Variants in EPHA4 observed in about 807,000 individuals in gnomAD.
EPHA4 encodes ephrin type-A receptor 4.
Under a neutral mutation model 108.3 loss-of-function variants are expected in EPHA4, and 19 were observed. The observed-to-expected ratio is 0.18, with a 90% CI of 0.12 to 0.26. The LOEUF (loss-of-function observed/expected upper bound fraction) is 0.26. Ranked by LOEUF, EPHA4 falls within the 10% of genes least tolerant of loss-of-function variation. The probability of loss-of-function intolerance (pLI) is 1.00; values close to 1 mark genes in which losing one functional copy is unlikely to be tolerated. For missense variants in EPHA4, 917 were observed against 1,254.0 expected (o/e 0.73, Z 4.06); for synonymous variants, 449 against 455.5 (o/e 0.99, Z 0.18).
intron 5 of EPHA4, among the ~76,000 whole-genome samples, chr2:221,477,748 A>C (rs1412002013): frequency 6.6e-6 from 1 of 152,190 alleles, no homozygotes; most frequent in African/African-American, 2.4e-5. Flanking sequence ...ATTTCTAAAC[A>C]TGTTAGAAGA....
chr2:221,496,177 T>C (rs185302944), intron 4 of EPHA4, among the ~76,000 whole-genome samples: 30 of 152,098 alleles, frequency 2.0e-4, no homozygotes, highest in Non-Finnish European at 3.5e-4. Flanking sequence ...GAACAAGAGG[T>C]TCTTTGAGAA....
chr2:221,439,085 A>C (rs974195664), intron 11 of EPHA4, among the ~76,000 whole-genome samples: 3 of 152,134 alleles, frequency 2.0e-5, no homozygotes, highest in African/African-American at 7.2e-5. Context: ...TGTCTAAGAA[A>C]TTACTCAGAG....
chr2:221,498,196 T>C (rs565285452), intron 4 of EPHA4, among the ~76,000 whole-genome samples: 2 of 152,148 alleles, frequency 1.3e-5, no homozygotes, highest in Non-Finnish European at 2.9e-5. Flanking sequence ...GAAAAATACC[T>C]GGGAGAAAGA....
At chr2:221,490,202 C>A (rs1441788875) in intron 4 of EPHA4, among the ~76,000 whole-genome samples, 4 of 116,250 alleles carry the variant, frequency 3.4e-5, no homozygotes, top group Admixed American at 1.7e-4. Flanking sequence ...AAAAGCTAAG[C>A]AAAATAATAA....
chr2:221,486,266 C>G (rs1691969933), intron 4 of EPHA4, among the ~76,000 whole-genome samples: 2 of 152,184 alleles, frequency 1.3e-5, no homozygotes, highest in East Asian at 3.9e-4. Flanking sequence ...AAACTACCCA[C>G]TACTAGCCTC....
At chr2:221,458,898 G>A (rs1691047526) in intron 5 of EPHA4, among the ~76,000 whole-genome samples, 2 of 152,140 alleles carry the variant, frequency 1.3e-5, no homozygotes, top group Admixed American at 1.3e-4. Context: ...AGCTGCCCTG[G>A]AGAACCAGAG....
In EPHA4 at chr2:221,457,990, G is replaced by A; in HGVS notation, c.1319C>T (p.Ala440Val). The change falls in exon 6 of 18, where the codon GCA becomes GTA. Residue 440 changes from alanine to valine, a missense_variant and splice_region_variant. This residue lies in a region of EPHA4 where 758 missense variants were observed against 1,076.7 expected (regional missense o/e 0.70). Transcript: ENST00000281821. ...VSVTVTTNQA[A>V]PSSIALVQAK... ...CTGGACCAAAGCAATGGATGATGGTGCTGTTAGAAAAAAACAAAAGACAAA... is the reference window on the plus strand; with the variant it reads ...CTGGACCAAAGCAATGGATGATGGTACTGTTAGAAAAAAACAAAAGACAAA... The A allele has an allele frequency of 6.2e-7, 1 of 1,605,614 alleles. No homozygotes were observed. The highest frequency in any genetic ancestry group is 2.2e-5 in the East Asian group (1 of 44,810).
rs545593103 is a variant in EPHA4 at position 221,492,697 on chromosome 2, G to T, written c.979+8320C>A. ...ACTGAAGCAGCAGCATACGTTGACG[G>T]CTGCATCTGAATCGTCCAAATGTCT... On this transcript the variant is annotated intron_variant, in intron 4 of 17. Coordinates refer to ENST00000281821, the MANE Select transcript of EPHA4 (RefSeq NM_004438.5). Among the ~76,000 whole-genome samples, 5 of 152,332 alleles carry T rather than the reference G, an allele frequency of 3.3e-5. No homozygotes were observed. In the South Asian group the frequency reaches 1.0e-3, roughly 32 times the overall value.
intron 3 of EPHA4, among the ~76,000 whole-genome samples, chr2:221,560,834 CTA>C (rs1694440315): frequency 6.6e-6 from 1 of 152,206 alleles, no homozygotes; most frequent in Admixed American, 6.5e-5. Flanking sequence ...TTCCTCGTCT[CTA>C]TATTATTTCC....
intron 8 of EPHA4, among the ~76,000 whole-genome samples, chr2:221,450,732 T>C (rs1417223911): frequency 1.3e-5 from 2 of 152,068 alleles, no homozygotes; most frequent in Non-Finnish European, 2.9e-5. Context: ...GTAAAAGGGG[T>C]ACTTTATAAC....
At chr2:221,500,313 T>G (rs1186024373) in intron 4 of EPHA4, among the ~76,000 whole-genome samples, 4 of 152,148 alleles carry the variant, frequency 2.6e-5, no homozygotes, top group African/African-American at 9.7e-5. Flanking sequence ...TGGAAATTCA[T>G]GGGCCCAGTG....
At chr2:221,423,773 A>C (rs1689819664) in intron 17 of EPHA4, among the ~76,000 whole-genome samples, 2 of 152,186 alleles carry the variant, frequency 1.3e-5, no homozygotes, top group Non-Finnish European at 2.9e-5. Context: ...AAAAAAAAAA[A>C]AACTTTTAAT....
At chr2:221,503,375 T>C (rs1424043867) in intron 3 of EPHA4, among the ~76,000 whole-genome samples, 2 of 152,126 alleles carry the variant, frequency 1.3e-5, no homozygotes, top group East Asian at 3.9e-4. Context: ...AAATGGCATA[T>C]TTGAAAAGCT....
At chr2:221,503,686 C>G (rs762232206) in intron 3 of EPHA4, among the ~76,000 whole-genome samples, 3 of 152,170 alleles carry the variant, frequency 2.0e-5, no homozygotes, top group African/African-American at 7.2e-5. Flanking sequence ...TTTCCTTTTG[C>G]TTTTATAAAA....
In EPHA4 at chr2:221,566,940, GAAGGA is replaced by G. The variant is rs1559297311; in HGVS notation, c.159+1773_159+1777del. Among the ~76,000 whole-genome samples, 10 of 72,266 alleles carry G rather than the reference GAAGGA, an allele frequency of 1.4e-4. 1 individual carries two copies. The highest frequency in any genetic ancestry group is 2.7e-4 in the Admixed American group (2 of 7,484). The allele number at this position is 72,266 out of a possible 152,430, so 47.4% of individuals were successfully genotyped here. A position where few individuals can be genotyped will look rare whatever the true frequency, so the allele number is the denominator to read the frequency against. ...AGAAGGAGAAGGAGAAGGAGAAGGA[GAAGGA>G]GAAGGAGAAGGGGAAGAGGAAGAGG... On this transcript the variant is annotated intron_variant, in intron 2 of 17. Transcript: ENST00000281821.
upstream of EPHA4, chr2:221,573,657 C>G (rs1023084834): frequency 6.6e-6 from 1 of 152,268 alleles, no homozygotes; most frequent in Non-Finnish European, 1.5e-5. This position sits in a 1 kb window ranked among gnomAD's most constrained non-coding sequence, Gnocchi z 4.5. Context: ...AGGAGCCTCT[C>G]CAGCCCCGGC....
intron 3 of EPHA4, among the ~76,000 whole-genome samples, chr2:221,528,307 C>A (rs1693405208): frequency 6.6e-6 from 1 of 152,184 alleles, no homozygotes; most frequent in South Asian, 2.1e-4. Flanking sequence ...CCTTGCTACG[C>A]TGCCTCCCTA....
chr2:221,573,708 A>T (rs1694920340), upstream of EPHA4: 1 of 152,094 alleles, frequency 6.6e-6, no homozygotes. This position sits in a 1 kb window ranked among gnomAD's most constrained non-coding sequence, Gnocchi z 4.5. Context: ...TGCCGGCCAG[A>T]TGCGGGAGTG....
Position 221,467,181 on chromosome 2 carries a change from T to A in EPHA4, c.1319-9191A>T, listed in dbSNP as rs762392295. On this transcript the variant is annotated intron_variant, in intron 5 of 17. Coordinates refer to ENST00000281821, the MANE Select transcript of EPHA4 (RefSeq NM_004438.5). ...CAAATAAAATAATTAGTCTTTGGAA[T>A]TAGAGAAGGGGTAAGGATACAAGAC... Among the ~76,000 whole-genome samples the A allele has an allele frequency of 6.6e-5, 10 of 152,204 alleles. 1 individual carries two copies. Among genetic ancestry groups the A allele is most frequent in the Non-Finnish European group, 1.2e-4 (8 of 68,028 alleles).
Sources: gnomAD v4.1 joint callset for allele counts (sites outside exome capture counted in the v4.1 genomes callset) on GRCh38, gnomAD v4.1.1 for gene constraint, gnomAD v4.1.1 regional missense constraint, Gnocchi (gnomAD v3.1) non-coding constraint, MANE v1.5 for transcripts, NCBI Gene and HGNC (gene_info 2026-07-23, HGNC 2026-07-21) for gene names.